The following DYM variants were observed in gnomAD, a reference collection of about 807,000 sequenced individuals.
DYM encodes the protein dyggve-Melchior-Clausen syndrome protein.
Under a neutral mutation model 93.1 loss-of-function variants are expected in DYM, and 78 were observed. The ratio of observed to expected loss-of-function variants is 0.84; its 90% CI spans 0.70 to 1.01. The LOEUF (loss-of-function observed/expected upper bound fraction) is 1.01, where lower values mean the gene tolerates loss of function less well. Ranked by LOEUF, DYM falls within the 50% of genes least tolerant of loss-of-function variation. The pLI, the probability that DYM is intolerant of heterozygous loss-of-function variation, is 0.00. For missense variants in DYM, 789 were observed against 845.0 expected, an observed-to-expected ratio of 0.93 and a Z score of 0.82; for synonymous variants, 321 against 319.7, an observed-to-expected ratio of 1.00 and a Z score of -0.04.
intron 14 of DYM, among the ~76,000 whole-genome samples, chr18:49,202,018 G>A (rs533989731): frequency 6.6e-6 from 1 of 152,326 alleles, no homozygotes; most frequent in Non-Finnish European, 1.5e-5. Context: ...GGCAGAGACT[G>A]TTAGTTGTCC....
intron 1 of DYM, among the ~76,000 whole-genome samples, chr18:49,444,994 G>A (rs1600323860): frequency 6.6e-6 from 1 of 152,040 alleles, no homozygotes; most frequent in East Asian, 1.9e-4. Flanking sequence ...CTCCAATTAA[G>A]CCAAATGTTA....
chr18:49,270,248 T>A (rs368317720), intron 11 of DYM, among the ~76,000 whole-genome samples: 1 of 152,318 alleles, frequency 6.6e-6, no homozygotes, highest in East Asian at 1.9e-4. Flanking sequence ...CAAAGGAATA[T>A]TATTCAGCCT....
chr18:49,110,218 G>C (rs1309015478), intron 16 of DYM, among the ~76,000 whole-genome samples: 2 of 152,192 alleles, frequency 1.3e-5, no homozygotes, highest in Non-Finnish European at 2.9e-5. Flanking sequence ...TACAGAAAAA[G>C]TTTGAGGACC....
chr18:49,378,529 CAT>C (rs2067727996), intron 5 of DYM, 36 bp downstream of exon 5: 1 of 1,561,820 alleles, frequency 6.4e-7, no homozygotes, highest in South Asian at 1.1e-5. Context: ...AAATGTTACA[CAT>C]GATATATCCA....
At chr18:49,422,521 G>T (rs1445723678) in intron 2 of DYM, among the ~76,000 whole-genome samples, 1 of 152,148 alleles carries the variant, frequency 6.6e-6, no homozygotes, top group Non-Finnish European at 1.5e-5. Context: ...ACATCATAAT[G>T]ACAGGATCAA....
At chr18:49,185,097 C>T (rs1298406760) in intron 14 of DYM, among the ~76,000 whole-genome samples, 1 of 152,050 alleles carries the variant, frequency 6.6e-6, no homozygotes, top group East Asian at 1.9e-4. Context: ...TAAAAAGGAA[C>T]AATAAATACA....
intron 15 of DYM, among the ~76,000 whole-genome samples, chr18:49,130,311 A>C (rs1488675817): frequency 6.6e-6 from 1 of 152,208 alleles, no homozygotes; most frequent in African/African-American, 2.4e-5. Flanking sequence ...GGTGCACTGA[A>C]GACACAAAAC....
intron 8 of DYM, among the ~76,000 whole-genome samples, chr18:49,296,087 C>T (rs1449675095): frequency 6.6e-6 from 1 of 152,070 alleles, no homozygotes; most frequent in African/African-American, 2.4e-5. Context: ...TGCCACCACA[C>T]CCAGCTAATT....
At chr18:49,284,605 A>G (rs572933453) in intron 9 of DYM, among the ~76,000 whole-genome samples, 96 of 152,290 alleles carry the variant, frequency 6.3e-4, no homozygotes, top group South Asian at 4.8e-3. Flanking sequence ...TCTCTATTTT[A>G]TAGGCCAAGC....
At chr18:49,383,893 G>A (rs571278826) in intron 3 of DYM, among the ~76,000 whole-genome samples, 2 of 152,162 alleles carry the variant, frequency 1.3e-5, no homozygotes, top group Non-Finnish European at 2.9e-5. Context: ...AATGAGTTAC[G>A]CTGAAACCTC....
chr18:49,446,688 C>G (rs1045152522), intron 1 of DYM, among the ~76,000 whole-genome samples: 1 of 152,136 alleles, frequency 6.6e-6, no homozygotes, highest in East Asian at 1.9e-4. Flanking sequence ...TACAGAGATA[C>G]GGATACATCA....
At chr18:49,311,605 T>G (rs1211787687) in intron 8 of DYM, among the ~76,000 whole-genome samples, 1 of 151,670 alleles carries the variant, frequency 6.6e-6, no homozygotes, top group African/African-American at 2.4e-5. Flanking sequence ...GAAACCATCA[T>G]TCTGAACAAA....
chr18:49,388,913 C>CAAAAA (rs59658815), intron 3 of DYM, among the ~76,000 whole-genome samples: 2 of 129,044 alleles, frequency 1.5e-5, no homozygotes, highest in South Asian at 4.9e-4. Flanking sequence ...CATTTTCAGA[C>CAAAAA]AAAAAAAAAA....
rs1348573527 is a variant in DYM at position 49,081,365 on chromosome 18, G to A, written c.2025+16037C>T. Among the ~76,000 whole-genome samples, 5 of 151,726 alleles carry A rather than the reference G, an allele frequency of 3.3e-5. 1 individual carries two copies. Among genetic ancestry groups the A allele is most frequent in the South Asian group, 4.2e-4 (2 of 4,798 alleles). ...AAAAAAGTACGAAAACCAGTCAGGC[G>A]TGGTGGCGCGTGCCTGCAATCGCAG... On this transcript the variant is annotated intron_variant, in intron 17 of 17. Coordinates refer to ENST00000675505, the MANE Select transcript of DYM (RefSeq NM_001353214.3).
At chr18:49,144,380 C>T (rs1451245359) in intron 15 of DYM, among the ~76,000 whole-genome samples, 3 of 151,960 alleles carry the variant, frequency 2.0e-5, no homozygotes, top group African/African-American at 7.3e-5. Flanking sequence ...TCTATGGTTC[C>T]CTCTTTACGT....
At chr18:49,058,472 A>T (rs1030961729) in intron 17 of DYM, among the ~76,000 whole-genome samples, 2 of 152,022 alleles carry the variant, frequency 1.3e-5, no homozygotes, top group Non-Finnish European at 2.9e-5. Flanking sequence ...GGTCTGCACC[A>T]CCATGCCTGG....
intron 8 of DYM, among the ~76,000 whole-genome samples, chr18:49,313,294 T>C (rs530785726): frequency 6.6e-6 from 1 of 151,356 alleles, no homozygotes; most frequent in South Asian, 2.1e-4. Flanking sequence ...TGAAACCCCA[T>C]CTCTACTAAA....
chr18:49,254,325 T>TATATATATATATATATATATATAC (rs1279388698), intron 13 of DYM, among the ~76,000 whole-genome samples: 2 of 138,630 alleles, frequency 1.4e-5, no homozygotes, highest in African/African-American at 2.8e-5. Flanking sequence ...TATATATATA[T>TATATATATATATATATATATATAC]ACACACATAG....
chr18:49,044,205 C>A lies in DYM; in HGVS notation c.2026-1G>T. ...ATTTGAATTTCAATTCTGGAAATTTCTGCAATGAAAATAAGATGATTTTAT... is the reference window on the plus strand; with the variant it reads ...ATTTGAATTTCAATTCTGGAAATTTATGCAATGAAAATAAGATGATTTTAT... On this transcript the variant is annotated splice_acceptor_variant, in intron 17 of 17. Transcript: ENST00000675505. LOFTEE classifies it high-confidence loss of function. 1 of 1,614,162 alleles carries A rather than the reference C, an allele frequency of 6.2e-7. No individual in the cohort carries two copies. Among genetic ancestry groups the A allele is most frequent in the Non-Finnish European group, 8.5e-7 (1 of 1,180,024 alleles).
Sources: gnomAD v4.1 joint callset for allele counts (sites outside exome capture counted in the v4.1 genomes callset) on GRCh38, gnomAD v4.1.1 for gene constraint, MANE v1.5 for transcripts, NCBI Gene and HGNC (gene_info 2026-07-23, HGNC 2026-07-21) for gene names.